LRP1B: variants seen among roughly 807,000 people sequenced by gnomAD.
LRP1B encodes the protein LDL receptor related protein 1B.
LRP1B carries 217 observed loss-of-function variants against 556.6 expected under a neutral mutation model. That is an observed-to-expected ratio of 0.39 (90% CI 0.35 to 0.44). The LOEUF is 0.44. LRP1B is among the 20% of genes least tolerant of loss of function. The pLI, the probability that LRP1B is intolerant of heterozygous loss-of-function variation, is 1.00. For synonymous variants in LRP1B, 2,047 were observed against 1,865.8 expected, an observed-to-expected ratio of 1.10 and a Z score of -2.50; for missense variants, 5,053 against 5,620.8, an observed-to-expected ratio of 0.90 and a Z score of 3.23.
chr2:142,001,166 C>T (rs1376835263), intron 1 of LRP1B, among the ~76,000 whole-genome samples: 2 of 152,152 alleles, frequency 1.3e-5, no homozygotes, highest in Non-Finnish European at 2.9e-5. Context: ...TCCATTAAAC[C>T]TCTTTTTCTT....
intron 66 of LRP1B, among the ~76,000 whole-genome samples, chr2:140,415,128 T>A (rs1685132658): frequency 6.6e-6 from 1 of 152,138 alleles, no homozygotes; most frequent in Admixed American, 6.6e-5. Context: ...AACTCTGCCC[T>A]GGTAAATTTG....
chr2:140,929,428 A>G (rs761526562), intron 20 of LRP1B, among the ~76,000 whole-genome samples: 3 of 152,104 alleles, frequency 2.0e-5, no homozygotes, highest in Non-Finnish European at 4.4e-5. Flanking sequence ...GCACAAAGCC[A>G]GCAGTATTAA....
intron 1 of LRP1B, among the ~76,000 whole-genome samples, chr2:141,982,175 A>G (rs1270757065): frequency 6.6e-6 from 1 of 151,824 alleles, no homozygotes; most frequent in African/African-American, 2.4e-5. Context: ...CTCAATCCGT[A>G]CAGTTCTCCG....
chr2:141,708,332 G>T lies in LRP1B; in HGVS notation c.205+101947C>A, dbSNP rs574722507. Among the ~76,000 whole-genome samples the T allele has an allele frequency of 3.3e-5, 5 of 152,140 alleles. No homozygotes were observed. The South Asian group carries it at 8.3e-4, about 25-fold the overall frequency. Reference sequence around the variant, plus strand: ...AGAACAACACAGATGTCTTCTGGATGCCAGACAGCACCTCCTTCTTGCAGG... The same window carrying T: ...AGAACAACACAGATGTCTTCTGGATTCCAGACAGCACCTCCTTCTTGCAGG... On this transcript the variant is annotated intron_variant, in intron 2 of 90. Coordinates refer to ENST00000389484, the MANE Select transcript of LRP1B (RefSeq NM_018557.3).
At chr2:141,544,106 T>G (rs896176924) in intron 2 of LRP1B, among the ~76,000 whole-genome samples, 9 of 152,112 alleles carry the variant, frequency 5.9e-5, no homozygotes, top group African/African-American at 2.2e-4. Flanking sequence ...TTCCATTGAT[T>G]CTCTAGAAAT....
At chr2:142,026,292 T>G (rs1703499594) in intron 1 of LRP1B, among the ~76,000 whole-genome samples, 1 of 152,038 alleles carries the variant, frequency 6.6e-6, no homozygotes, top group Non-Finnish European at 1.5e-5. Context: ...TTCAATCAAG[T>G]TGCACCATTT....
chr2:141,858,744 G>T (rs1432860786), intron 1 of LRP1B, among the ~76,000 whole-genome samples: 1 of 152,148 alleles, frequency 6.6e-6, no homozygotes, highest in Non-Finnish European at 1.5e-5. Context: ...CATACTGTGT[G>T]CTTTGCATGC....
rs1280729970 is a variant in LRP1B, at chr2:140,233,082, GAA to G, written c.*102_*103del. The G allele has an allele frequency of 1.5e-6, 1 of 678,634 alleles. No homozygotes were observed. Among genetic ancestry groups the G allele is most frequent in the African/African-American group, 1.9e-5 (1 of 52,480 alleles). 42.0% of individuals were successfully genotyped at this position (678,634 alleles called of 1,614,324 possible). A position where few individuals can be genotyped will look rare whatever the true frequency, so the allele number is the denominator to read the frequency against. ...AACAATTAACCAGGAAAAAGATAAAGAAAGAGGTAATGCTGATGCCAAAACAA... is the reference window on the plus strand; with the variant it reads ...AACAATTAACCAGGAAAAAGATAAAGAGAGGTAATGCTGATGCCAAAACAA... On this transcript the variant is annotated 3_prime_UTR_variant, in exon 91 of 91. Transcript: ENST00000389484.
intron 77 of LRP1B, among the ~76,000 whole-genome samples, chr2:140,340,063 T>C (rs1409103820): frequency 1.3e-5 from 2 of 151,536 alleles, no homozygotes; most frequent in African/African-American, 4.8e-5. Context: ...CAATAATATA[T>C]GTGATTTTGT....
At chr2:141,009,090 CTA>C (rs1204300085) in intron 14 of LRP1B, among the ~76,000 whole-genome samples, 2 of 151,824 alleles carry the variant, frequency 1.3e-5, no homozygotes, top group Non-Finnish European at 2.9e-5. Flanking sequence ...ACCTCCTTTT[CTA>C]TATGTGTCCT....
intron 29 of LRP1B, among the ~76,000 whole-genome samples, chr2:140,849,200 C>CAAAAGAAAAAAAAA (rs1692366985): frequency 9.9e-6 from 1 of 100,552 alleles, no homozygotes; most frequent in Non-Finnish European, 1.9e-5. Context: ...ACTAAAAATA[C>CAAAAGAAAAAAAAA]AAAAAAAAAA....
In LRP1B at chr2:140,334,486, T is replaced by G; in HGVS notation, c.12190A>C (p.Ile4064Leu). Residue 4064 changes from isoleucine to leucine, a missense_variant, in exon 79 of 91, where the codon ATT (isoleucine) becomes CTT (leucine). Transcript: ENST00000389484. ...CTCTGTAAGTTCTTTTGTACTAAAA[T>G]CCTTCTCAGTGTACCATCCATGGCT... ...EAAMDGTLRR[I>L]LVQKNLQRPT... The G allele has an allele frequency of 1.2e-6, 2 of 1,610,946 alleles. No individual in the cohort carries two copies. Among genetic ancestry groups the G allele is most frequent in the Non-Finnish European group, 1.7e-6 (2 of 1,178,096 alleles).
intron 7 of LRP1B, among the ~76,000 whole-genome samples, chr2:141,180,503 C>T (rs1165434560): frequency 1.3e-5 from 2 of 151,848 alleles, no homozygotes; most frequent in Non-Finnish European, 2.9e-5. Flanking sequence ...ATAAGTGAAA[C>T]AATAACTTAC....
At chr2:141,847,049 T>C (rs1364498011) in intron 1 of LRP1B, among the ~76,000 whole-genome samples, 1 of 151,540 alleles carries the variant, frequency 6.6e-6, no homozygotes, top group Non-Finnish European at 1.5e-5. Context: ...GACTGTTCTT[T>C]GTTTCATTTC....
chr2:141,062,057 G>A lies in LRP1B; in HGVS notation c.1230C>T (p.Gly410=), dbSNP rs772015861. The stretch of plus-strand genomic sequence containing the variant: ...CTAACAAAATTGTACTTACTTGTCT[G>A]CCTTGAATGACAGTGTGTCTATTTT... ...QGKNRHTVIQ[G]RQVRHLYGIT... is the part of the protein sequence containing the mutation. The change falls in exon 8 of 91, where the codon GGC becomes GGT. Residue 410 remains glycine, a synonymous_variant. Transcript: ENST00000389484. 3.1e-6 allele frequency: 5 copies of A among 1,610,556 alleles called. No individual in the cohort carries two copies. Among genetic ancestry groups the A allele is most frequent in the South Asian group, 2.2e-5 (2 of 91,018 alleles).
At chr2:140,582,148 G>A (rs74645151) in intron 43 of LRP1B, among the ~76,000 whole-genome samples, 15 of 152,200 alleles carry the variant, frequency 9.9e-5, no homozygotes, top group East Asian at 1.9e-4. Flanking sequence ...CATTTACCGC[G>A]TATTTGATTG....
chr2:141,014,090 A>G (rs1697832746), intron 13 of LRP1B, among the ~76,000 whole-genome samples: 2 of 152,068 alleles, frequency 1.3e-5, no homozygotes, highest in South Asian at 4.1e-4. Flanking sequence ...CCTTTTGCTT[A>G]TGATATTTCA....
intron 2 of LRP1B, among the ~76,000 whole-genome samples, chr2:141,776,502 T>C (rs1480210517): frequency 6.6e-6 from 1 of 152,196 alleles, no homozygotes; most frequent in Non-Finnish European, 1.5e-5. Context: ...TCTATGTTCC[T>C]GAACAGTAGA....
intron 2 of LRP1B, among the ~76,000 whole-genome samples, chr2:141,789,091 TC>T (rs1695521582): frequency 6.6e-6 from 1 of 151,982 alleles, no homozygotes; most frequent in South Asian, 2.1e-4. Context: ...TAGTTCTAGA[TC>T]CCTGAGGAAT....
Sources: allele counts gnomAD v4.1 joint callset (sites outside exome capture counted in the v4.1 genomes callset), GRCh38; gene constraint gnomAD v4.1.1; transcripts MANE v1.5; gene names NCBI Gene and HGNC (gene_info 2026-07-23, HGNC 2026-07-21).